PTPRR: variants seen among roughly 807,000 people sequenced by gnomAD.
PTPRR encodes the protein protein tyrosine phosphatase receptor type R.
A neutral mutation model predicts 77.2 loss-of-function variants in PTPRR; 38 were observed. The observed-to-expected ratio is 0.49, with a 90% CI of 0.38 to 0.65. The LOEUF (loss-of-function observed/expected upper bound fraction) is 0.65. PTPRR is among the 30% of genes least tolerant of loss of function. The pLI is 0.00. For missense variants in PTPRR, 744 were observed against 799.2 expected (o/e 0.93, Z 0.83); for synonymous variants, 299 against 283.1 (o/e 1.06, Z -0.57).
rs544556125 is a variant in PTPRR at position 70,712,438 on chromosome 12, A to AT, written c.1008-11116dup. 1.1e-4 allele frequency among the ~76,000 whole-genome samples: 17 copies of AT among 151,484 alleles called. No homozygotes were observed. In the South Asian group the frequency reaches 3.1e-3, roughly 28 times the overall value. ...GATTTGATGCCATTCATAATAATTC[A>AT]TTTTTTTCTGGGTCCTTCCTCATCC... On this transcript the variant is annotated intron_variant, in intron 6 of 13. Transcript: ENST00000283228.
At position 70,684,743 on chromosome 12, in the gene PTPRR, G is replaced by T. The variant is rs760350679; in HGVS notation, c.1320C>A (p.Thr440=). Residue 440 remains threonine, a synonymous_variant, in exon 9 of 14, where the codon ACC becomes ACA. Transcript: ENST00000283228. ...SRVCLRPKNV[T]DSLSTYINAN... is the part of the protein sequence containing the mutation. The stretch of plus-strand genomic sequence containing the variant: ...CATTAATGTAGGTGCTCAATGAATC[G>T]GTTACATTTTTTGGTCTTAAACACA... 3.7e-6 allele frequency: 6 copies of T among 1,607,534 alleles called. No individual in the cohort carries two copies. Among genetic ancestry groups the T allele is most frequent in the Non-Finnish European group, 5.1e-6 (6 of 1,175,554 alleles).
At chr12:70,881,172 T>C (rs1446278392) in intron 2 of PTPRR, among the ~76,000 whole-genome samples, 1 of 152,152 alleles carries the variant, frequency 6.6e-6, no homozygotes, top group Non-Finnish European at 1.5e-5. Context: ...AAACAACATG[T>C]ACTTGTTCAG....
intron 6 of PTPRR, among the ~76,000 whole-genome samples, chr12:70,707,971 C>T (rs1888678683): frequency 6.6e-6 from 1 of 152,078 alleles, no homozygotes; most frequent in African/African-American, 2.4e-5. Context: ...TCTCCTGTCA[C>T]ATTCTCATCC....
At chr12:70,680,919 T>C (rs1044634435) in intron 10 of PTPRR, among the ~76,000 whole-genome samples, 1 of 152,134 alleles carries the variant, frequency 6.6e-6, no homozygotes, top group Non-Finnish European at 1.5e-5. Context: ...CGCTTTGGAA[T>C]GGTGCATTCG....
chr12:70,872,553 A>AGGCGT (rs1393507242), intron 2 of PTPRR, among the ~76,000 whole-genome samples: 1 of 151,582 alleles, frequency 6.6e-6, no homozygotes, highest in Non-Finnish European at 1.5e-5. Context: ...AAAATTAGCC[A>AGGCGT]GGCGTGGTGG....
Position 70,698,294 on chromosome 12 carries a change from G to T in PTPRR, c.1250C>A (p.Thr417Asn), listed in dbSNP as rs756903463. Residue 417 changes from threonine to asparagine, a missense_variant, in exon 8 of 14, where the codon ACT becomes AAT. Thr to Asn is a moderately conservative substitution (Grantham distance 65). Transcript: ENST00000283228. ...TAAAATGGTCTTATAGCGATTTTTA[G>T]TTCCATGACGCGGAATATCAATTTC... ...PKEIDIPRHG[T>N]KNRYKTILPN... 6.2e-7 allele frequency: 1 copy of T among 1,612,998 alleles called. No homozygotes were observed. The highest frequency in any genetic ancestry group is 1.1e-5 in the South Asian group (1 of 91,032).
At chr12:70,806,807 T>A (rs1459165613) in intron 2 of PTPRR, among the ~76,000 whole-genome samples, 1 of 152,166 alleles carries the variant, frequency 6.6e-6, no homozygotes, top group Non-Finnish European at 1.5e-5. Flanking sequence ...TTACTCTAAA[T>A]CAGAAATTGC....
In PTPRR at chr12:70,668,552, T is replaced by C. The variant is rs930684561; in HGVS notation, c.1498-5947A>G. On this transcript the variant is annotated intron_variant, in intron 10 of 13. Coordinates refer to ENST00000283228, the MANE Select transcript of PTPRR (RefSeq NM_002849.4). ...AGCTAATTATAAATGATAGAGAAGA[T>C]ATATTTTCATTTTATGCATTTAGAA... Among the ~76,000 whole-genome samples, 8 of 152,338 alleles carry C rather than the reference T, an allele frequency of 5.3e-5. No homozygotes were observed. In the South Asian group the frequency reaches 1.7e-3, roughly 32 times the overall value.
At chr12:70,728,672 T>C (rs994437534) in intron 6 of PTPRR, among the ~76,000 whole-genome samples, 1 of 150,530 alleles carries the variant, frequency 6.6e-6, no homozygotes, top group Non-Finnish European at 1.5e-5. Context: ...TTGGAGCACT[T>C]TGGATTTTGG....
chr12:70,889,929 C>G (rs757759914), intron 2 of PTPRR, among the ~76,000 whole-genome samples: 4 of 152,148 alleles, frequency 2.6e-5, no homozygotes, highest in Non-Finnish European at 4.4e-5. Flanking sequence ...CCTTACTAAT[C>G]CTCAGTTTGC....
chr12:70,841,969 A>G (rs922332358), intron 2 of PTPRR, among the ~76,000 whole-genome samples: 16 of 152,206 alleles, frequency 1.1e-4, no homozygotes, highest in Non-Finnish European at 2.4e-4. Flanking sequence ...AGGTAATATC[A>G]GCACCAGGTC....
intron 2 of PTPRR, among the ~76,000 whole-genome samples, chr12:70,835,864 C>G (rs1892293486): frequency 6.6e-6 from 1 of 152,000 alleles, no homozygotes. Flanking sequence ...TTTACTCTCC[C>G]CAGTACACTT....
intron 13 of PTPRR, among the ~76,000 whole-genome samples, chr12:70,643,075 C>T (rs1206563145): frequency 2.0e-5 from 3 of 152,118 alleles, no homozygotes; most frequent in Non-Finnish European, 2.9e-5. Context: ...GAGGTTGAGG[C>T]CAGAGGATAG....
intron 2 of PTPRR, among the ~76,000 whole-genome samples, chr12:70,805,824 T>C (rs1891700549): frequency 6.6e-6 from 1 of 152,230 alleles, no homozygotes; most frequent in African/African-American, 2.4e-5. Flanking sequence ...AGTTGAAATT[T>C]AAACTGTGGC....
intron 2 of PTPRR, among the ~76,000 whole-genome samples, chr12:70,790,925 T>C (rs6581969): frequency 0.85 from 129,287 of 152,096 alleles, 55,305 homozygotes; most frequent in East Asian, 0.94. Context: ...CCCTCCAGAG[T>C]TGGTAAAACC....
intron 2 of PTPRR, among the ~76,000 whole-genome samples, chr12:70,823,230 G>T (rs1417077592): frequency 6.6e-6 from 1 of 150,768 alleles, no homozygotes; most frequent in African/African-American, 2.4e-5. Flanking sequence ...CTGCCTTTTA[G>T]TTAAACTAGA....
chr12:70,738,275 A>T (rs1889935927), intron 6 of PTPRR, among the ~76,000 whole-genome samples: 1 of 152,208 alleles, frequency 6.6e-6, no homozygotes, highest in Non-Finnish European at 1.5e-5. Context: ...GTACAGCTGA[A>T]GAAAAGTTAG....
chr12:70,863,849 C>T (rs946292435), intron 2 of PTPRR, among the ~76,000 whole-genome samples: 6 of 152,142 alleles, frequency 3.9e-5, no homozygotes, highest in Non-Finnish European at 5.9e-5. Flanking sequence ...AGTTGTAGTG[C>T]CCAAAGCGAA....
At chr12:70,764,917 T>C (rs1890779580) in intron 2 of PTPRR, 139 bp from the exon 3 acceptor site, 2 of 631,360 alleles carry the variant, frequency 3.2e-6, no homozygotes, top group Non-Finnish European at 5.6e-6. Context: ...GTGACTCTGC[T>C]AAGTTTACAC....
Sources: allele counts gnomAD v4.1 joint callset (sites outside exome capture counted in the v4.1 genomes callset), GRCh38; gene constraint gnomAD v4.1.1; transcripts MANE v1.5; gene names NCBI Gene and HGNC (gene_info 2026-07-23, HGNC 2026-07-21).